PLPP4: variants seen among roughly 807,000 people sequenced by gnomAD.
PLPP4 encodes diacylglycerol pyrophosphate like 2.
A neutral mutation model predicts 32.2 loss-of-function variants in PLPP4; 20 were observed. The ratio of observed to expected loss-of-function variants is 0.62; its 90% CI spans 0.44 to 0.90. The LOEUF (loss-of-function observed/expected upper bound fraction) is 0.90. Among genes scored for constraint, PLPP4 ranks in the 40% least tolerant of loss-of-function variants. The pLI, the probability that PLPP4 is intolerant of heterozygous loss-of-function variation, is 0.00. For synonymous variants in PLPP4, 127 were observed against 133.0 expected, an observed-to-expected ratio of 0.95 and a Z score of 0.31; for missense variants, 257 against 353.1, an observed-to-expected ratio of 0.73 and a Z score of 2.18.
chr10:120,488,827 T>A (rs1844578581), intron 1 of PLPP4, among the ~76,000 whole-genome samples: 1 of 152,158 alleles, frequency 6.6e-6, no homozygotes, highest in South Asian at 2.1e-4. Context: ...AGCCCAGGAT[T>A]ATGGTTAGAA....
At chr10:120,497,920 G>A (rs1222623610) in intron 1 of PLPP4, among the ~76,000 whole-genome samples, 1 of 152,038 alleles carries the variant, frequency 6.6e-6, no homozygotes, top group Non-Finnish European at 1.5e-5. Context: ...AGCGCCTGTA[G>A]TCTCAGCTAC....
At position 120,542,039 on chromosome 10, in the gene PLPP4, C is replaced by T. The variant is rs188648001; in HGVS notation, c.445+20944C>T. On this transcript the variant is annotated intron_variant, in intron 5 of 6. Coordinates refer to ENST00000398250, the MANE Select transcript of PLPP4 (RefSeq NM_001030059.3). The stretch of plus-strand genomic sequence containing the variant: ...GATTCATTAAGTCATTCTTGAAAGT[C>T]AGTGTGTACTTCAAAGAGCCCTCCC... Among the ~76,000 whole-genome samples the T allele has an allele frequency of 1.5e-3, 236 of 152,308 alleles. 1 individual carries two copies. The highest frequency in any genetic ancestry group is 5.4e-3 in the African/African-American group (226 of 41,568).
intron 1 of PLPP4, among the ~76,000 whole-genome samples, chr10:120,479,051 C>T (rs1050741908): frequency 2.0e-5 from 3 of 152,070 alleles, no homozygotes; most frequent in East Asian, 1.9e-4. Flanking sequence ...ATGGTGAAAC[C>T]CCATCTCTAC....
intron 2 of PLPP4, among the ~76,000 whole-genome samples, chr10:120,511,090 G>C (rs77074023): frequency 1.3e-5 from 2 of 152,330 alleles, no homozygotes; most frequent in African/African-American, 4.8e-5. Context: ...TCCTAGAAAA[G>C]ATACCAATAT....
At chr10:120,530,800 G>A (rs1846671790) in intron 5 of PLPP4, among the ~76,000 whole-genome samples, 1 of 152,150 alleles carries the variant, frequency 6.6e-6, no homozygotes, top group Non-Finnish European at 1.5e-5. Context: ...AGTACTCCAT[G>A]TCCTCACCGA....
chr10:120,578,198 C>G (rs756638798), intron 6 of PLPP4, among the ~76,000 whole-genome samples: 1 of 152,104 alleles, frequency 6.6e-6, no homozygotes, highest in Non-Finnish European at 1.5e-5. Context: ...AAGTTTTGTT[C>G]ATTCAATACT....
At chr10:120,576,883 C>G (rs1849247373) in intron 6 of PLPP4, among the ~76,000 whole-genome samples, 1 of 152,236 alleles carries the variant, frequency 6.6e-6, no homozygotes, top group Admixed American at 6.5e-5. Flanking sequence ...GAATATGTTC[C>G]CGCAGAATTG....
At position 120,507,388 on chromosome 10, in the gene PLPP4, T is replaced by C. The variant is rs7478085; in HGVS notation, c.165+3462T>C. 3.0e-4 allele frequency among the ~76,000 whole-genome samples: 39 copies of C among 129,574 alleles called. 1 individual carries two copies. Among genetic ancestry groups the C allele is most frequent in the South Asian group, 3.2e-4 (1 of 3,136 alleles). The allele number at this position is 129,574 out of a possible 152,430, so 85.0% of individuals were successfully genotyped here. A position where few individuals can be genotyped will look rare whatever the true frequency, so the allele number is the denominator to read the frequency against. ...TCATCATCATCATCATCATCATCATTATCATCATCATCATCAACAACAGTA... is the reference window on the plus strand; with the variant it reads ...TCATCATCATCATCATCATCATCATCATCATCATCATCATCAACAACAGTA... On this transcript the variant is annotated intron_variant, in intron 2 of 6. Coordinates refer to ENST00000398250, the MANE Select transcript of PLPP4 (RefSeq NM_001030059.3).
intron 5 of PLPP4, among the ~76,000 whole-genome samples, chr10:120,564,736 G>C (rs1848607473): frequency 6.6e-6 from 1 of 151,572 alleles, no homozygotes; most frequent in Admixed American, 6.6e-5. Context: ...CTCTAATATT[G>C]CTTCTTACCA....
chr10:120,574,129 T>TACACACACACACACAC (rs751622346), intron 5 of PLPP4, among the ~76,000 whole-genome samples: 1 of 56,994 alleles, frequency 1.8e-5, no homozygotes, highest in Non-Finnish European at 3.5e-5. Context: ...ATCTGGGGAG[T>TACACACACACACACAC]ACACACACAC....
At chr10:120,588,612 A>G (rs1054796107) in intron 6 of PLPP4, among the ~76,000 whole-genome samples, 1 of 152,210 alleles carries the variant, frequency 6.6e-6, no homozygotes, top group African/African-American at 2.4e-5. Flanking sequence ...GGAACTTACT[A>G]AAGAAAAAAA....
rs568061808 is a variant in PLPP4, at chr10:120,459,358, C to T, written c.56+1997C>T. ...GCAAAAACCAGCTTTGGTATTGATG[C>T]GAGCCTCCCTAGGGGGCAGATCTTG... On this transcript the variant is annotated intron_variant, in intron 1 of 6. Transcript: ENST00000398250. 4.6e-5 allele frequency among the ~76,000 whole-genome samples: 7 copies of T among 152,214 alleles called. No homozygotes were observed. The South Asian group carries it at 6.2e-4, about 14-fold the overall frequency.
chr10:120,503,596 T>C, intron 1 of PLPP4: 1 of 1,610,216 alleles, frequency 6.2e-7, no homozygotes, highest in Non-Finnish European at 8.5e-7. Flanking sequence ...GAATTGGTCC[T>C]TCTGGCAGGT....
intron 5 of PLPP4, among the ~76,000 whole-genome samples, chr10:120,525,233 C>T (rs1189918297): frequency 1.3e-5 from 2 of 152,150 alleles, no homozygotes; most frequent in Non-Finnish European, 2.9e-5. Context: ...TGGCCCTTTA[C>T]AGAGAAAATT....
intron 5 of PLPP4, among the ~76,000 whole-genome samples, chr10:120,574,148 ACACACACACACACACACACACTCTCTCT>A (rs1849072910): frequency 8.5e-6 from 1 of 116,972 alleles, no homozygotes; most frequent in East Asian, 2.8e-4. Context: ...ACACACACAC[ACACACACACACACACACACACTCTCTCT>A]CTCTCTCTCT....
intron 1 of PLPP4, among the ~76,000 whole-genome samples, chr10:120,480,068 T>C (rs540550166): frequency 1.4e-3 from 210 of 152,326 alleles, no homozygotes; most frequent in African/African-American, 4.8e-3. Flanking sequence ...TCTTATTTAA[T>C]ATTTAGGTTT....
chr10:120,580,115 CAAAAA>C (rs10609637), intron 6 of PLPP4, among the ~76,000 whole-genome samples: 5 of 91,568 alleles, frequency 5.5e-5, no homozygotes, highest in African/African-American at 1.3e-4. Flanking sequence ...GCGAGACTCT[CAAAAA>C]AAAAAAAAAA....
chr10:120,484,763 C>T (rs374656802), intron 1 of PLPP4, among the ~76,000 whole-genome samples: 3 of 152,200 alleles, frequency 2.0e-5, no homozygotes, highest in Non-Finnish European at 2.9e-5. Context: ...TCCACATCCT[C>T]ATTCCTGGAG....
chr10:120,555,479 G>A (rs71484632), intron 5 of PLPP4, among the ~76,000 whole-genome samples: 30,920 of 152,124 alleles, frequency 0.2, 3,795 homozygotes, highest in Non-Finnish European at 0.27. Context: ...AAATGAGACC[G>A]GGGTCTCTGA....
Sources: gnomAD v4.1 joint callset for allele counts (sites outside exome capture counted in the v4.1 genomes callset) on GRCh38, gnomAD v4.1.1 for gene constraint, MANE v1.5 for transcripts, NCBI Gene and HGNC (gene_info 2026-07-23, HGNC 2026-07-21) for gene names.